FSTL4: variants seen among roughly 807,000 people sequenced by gnomAD.
FSTL4 encodes the protein follistatin-related protein 4.
A neutral mutation model predicts 78.2 loss-of-function variants in FSTL4; 28 were observed. The ratio of observed to expected loss-of-function variants is 0.36; its 90% CI spans 0.27 to 0.49. The LOEUF (loss-of-function observed/expected upper bound fraction) is 0.49. Ranked by LOEUF, FSTL4 falls within the 20% of genes least tolerant of loss-of-function variation. The pLI is 0.98. For synonymous variants in FSTL4, 422 were observed against 440.5 expected (o/e 0.96, Z 0.53); for missense variants, 922 against 1,084.9 (o/e 0.85, Z 2.11).
At chr5:133,275,312 C>A (rs1321545515) in intron 6 of FSTL4, among the ~76,000 whole-genome samples, 3 of 152,034 alleles carry the variant, frequency 2.0e-5, no homozygotes, top group Non-Finnish European at 2.9e-5. Context: ...ATAATCCCAG[C>A]ACTTTGGGAG....
chr5:133,432,804 T>C (rs1014922327), intron 3 of FSTL4, among the ~76,000 whole-genome samples: 8 of 152,210 alleles, frequency 5.3e-5, no homozygotes, highest in East Asian at 1.9e-4. Context: ...CACAGCAGCA[T>C]TGGATTACAC....
intron 7 of FSTL4, among the ~76,000 whole-genome samples, chr5:133,239,430 T>C (rs998590035): frequency 6.6e-5 from 10 of 152,248 alleles, no homozygotes; most frequent in African/African-American, 2.4e-4. Flanking sequence ...CTCCTGAGTC[T>C]GGTGGGGACT....
the FSTL4 span, among the ~76,000 whole-genome samples, chr5:133,636,871 C>T: frequency 3.9e-5 from 6 of 152,060 alleles, no homozygotes; most frequent in Non-Finnish European, 8.8e-5. Context: ...AACATTGGTG[C>T]TTAACAGCCC....
chr5:133,773,896 G>C, the FSTL4 span, among the ~76,000 whole-genome samples: 1 of 152,178 alleles, frequency 6.6e-6, no homozygotes, highest in Non-Finnish European at 1.5e-5. Context: ...GCTTCTAAGG[G>C]TAGACGGGAT....
At chr5:133,820,642 G>A in the FSTL4 span, among the ~76,000 whole-genome samples, 1 of 152,262 alleles carries the variant, frequency 6.6e-6, no homozygotes, top group Non-Finnish European at 1.5e-5. Context: ...CAATGTGACA[G>A]GCTCCCAACT....
chr5:133,284,559 C>T (rs566262787), intron 6 of FSTL4, among the ~76,000 whole-genome samples: 8 of 152,308 alleles, frequency 5.3e-5, no homozygotes, highest in Non-Finnish European at 5.9e-5. Flanking sequence ...TCCTCTTCCT[C>T]TTCCCACTCA....
the FSTL4 span, among the ~76,000 whole-genome samples, chr5:133,685,433 C>A: frequency 6.6e-6 from 1 of 152,194 alleles, no homozygotes; most frequent in Non-Finnish European, 1.5e-5. Flanking sequence ...ATAGCAGTGA[C>A]CATCAAGAGC....
At chr5:133,320,982 G>A (rs1754035775) in intron 4 of FSTL4, among the ~76,000 whole-genome samples, 1 of 140,702 alleles carries the variant, frequency 7.1e-6, no homozygotes, top group South Asian at 2.3e-4. Flanking sequence ...ACTCCAGCCT[G>A]GGTGACAGAG....
chr5:133,403,976 G>A (rs1366788604), intron 3 of FSTL4, among the ~76,000 whole-genome samples: 3 of 152,202 alleles, frequency 2.0e-5, no homozygotes, highest in Non-Finnish European at 4.4e-5. Flanking sequence ...CTTCCCTGCA[G>A]GCTGCACTCT....
chr5:133,638,639 C>T, the FSTL4 span, among the ~76,000 whole-genome samples: 1 of 152,272 alleles, frequency 6.6e-6, no homozygotes, highest in South Asian at 2.1e-4. Flanking sequence ...GCTCCTCCCA[C>T]CCTAGTATTA....
At chr5:133,239,145 G>A (rs929955195) in intron 7 of FSTL4, among the ~76,000 whole-genome samples, 15 of 152,200 alleles carry the variant, frequency 9.9e-5, no homozygotes, top group Admixed American at 2.0e-4. Flanking sequence ...CAGCTGCTGC[G>A]CTGGATTTCT....
chr5:133,278,764 G>A (rs1035271907), intron 6 of FSTL4, among the ~76,000 whole-genome samples: 3 of 152,188 alleles, frequency 2.0e-5, no homozygotes, highest in Non-Finnish European at 4.4e-5. Context: ...TCTAGAAAAC[G>A]CCAGCCGCTT....
At chr5:133,359,341 T>C (rs907619338) in intron 4 of FSTL4, among the ~76,000 whole-genome samples, 2 of 152,200 alleles carry the variant, frequency 1.3e-5, no homozygotes, top group East Asian at 3.8e-4. Flanking sequence ...TTATTCGCAG[T>C]GTGAATTCCT....
chr5:133,365,566 C>T (rs762599742), intron 4 of FSTL4, among the ~76,000 whole-genome samples: 3 of 152,156 alleles, frequency 2.0e-5, no homozygotes, highest in Admixed American at 6.5e-5. Context: ...GATGTTCTAT[C>T]GATTTCTCCC....
At chr5:133,257,756 C>T (rs1295756885) in intron 6 of FSTL4, among the ~76,000 whole-genome samples, 1 of 152,164 alleles carries the variant, frequency 6.6e-6, no homozygotes, top group Non-Finnish European at 1.5e-5. Context: ...GCTCTTCCAC[C>T]TCCGCTGGTT....
chr5:133,495,392 A>T (rs1157749856), intron 3 of FSTL4, among the ~76,000 whole-genome samples: 1 of 152,242 alleles, frequency 6.6e-6, no homozygotes, highest in African/African-American at 2.4e-5. Context: ...ACAGTGGAAG[A>T]AGTAAGTGCC....
At chr5:133,645,818 C>T in the FSTL4 span, among the ~76,000 whole-genome samples, 7 of 152,104 alleles carry the variant, frequency 4.6e-5, no homozygotes, top group East Asian at 9.7e-4. Context: ...ACCTGGAACA[C>T]CAGAAGCCAG....
the FSTL4 span, among the ~76,000 whole-genome samples, chr5:133,634,732 A>C: frequency 6.6e-6 from 1 of 152,228 alleles, no homozygotes; most frequent in East Asian, 1.9e-4. Flanking sequence ...GATGACATCA[A>C]CTGAGATTTG....
intron 6 of FSTL4, among the ~76,000 whole-genome samples, chr5:133,274,331 A>G (rs891020762): frequency 2.1e-5 from 3 of 142,810 alleles, no homozygotes; most frequent in African/African-American, 7.9e-5. Context: ...TACTTTTGCA[A>G]AATGCTGTGC....
Sources: allele counts gnomAD v4.1 joint callset (sites outside exome capture counted in the v4.1 genomes callset), GRCh38; gene constraint gnomAD v4.1.1; transcripts MANE v1.5; gene names NCBI Gene and HGNC (gene_info 2026-07-23, HGNC 2026-07-21).